The following LRRTM4 variants were observed in gnomAD, a reference collection of about 807,000 sequenced individuals.
LRRTM4 encodes leucine rich repeat transmembrane neuronal 4.
Under a neutral mutation model 47.6 loss-of-function variants are expected in LRRTM4, and 25 were observed. That is an observed-to-expected ratio of 0.53 (90% CI 0.38 to 0.73). The LOEUF (loss-of-function observed/expected upper bound fraction) is 0.73. Ranked by LOEUF, LRRTM4 falls within the 30% of genes least tolerant of loss-of-function variation. The pLI is 0.00. For synonymous variants in LRRTM4, 311 were observed against 269.5 expected, an observed-to-expected ratio of 1.15 and a Z score of -1.51; for missense variants, 638 against 713.4, an observed-to-expected ratio of 0.89 and a Z score of 1.20.
chr2:77,036,630 T>G (rs950894836), intron 3 of LRRTM4, among the ~76,000 whole-genome samples: 1 of 151,702 alleles, frequency 6.6e-6, no homozygotes, highest in Non-Finnish European at 1.5e-5. Context: ...ACGTATTCTG[T>G]GGAATATTGA....
chr2:77,231,553 T>A (rs1035965090), intron 3 of LRRTM4, among the ~76,000 whole-genome samples: 1 of 152,066 alleles, frequency 6.6e-6, no homozygotes, highest in East Asian at 1.9e-4. Context: ...TATATAGAGA[T>A]CTTATTTAGC....
At chr2:76,792,905 T>A (rs1675050509) in intron 3 of LRRTM4, among the ~76,000 whole-genome samples, 1 of 152,098 alleles carries the variant, frequency 6.6e-6, no homozygotes, top group Admixed American at 6.6e-5. Flanking sequence ...AAAACCATCG[T>A]TTCATATATT....
chr2:77,125,391 G>A (rs760262537), intron 3 of LRRTM4, among the ~76,000 whole-genome samples: 7 of 152,258 alleles, frequency 4.6e-5, no homozygotes, highest in Admixed American at 6.5e-5. Context: ...CCTTACTAGG[G>A]CCAACTTTCT....
At chr2:77,302,446 G>T (rs997484791) in intron 3 of LRRTM4, among the ~76,000 whole-genome samples, 1 of 152,122 alleles carries the variant, frequency 6.6e-6, no homozygotes, top group Non-Finnish European at 1.5e-5. Flanking sequence ...TCTAAAGCAC[G>T]AATACTGGGA....
chr2:77,137,122 A>G (rs1671968017), intron 3 of LRRTM4, among the ~76,000 whole-genome samples: 1 of 151,850 alleles, frequency 6.6e-6, no homozygotes, highest in South Asian at 2.1e-4. Context: ...GGAAATACAT[A>G]GAGTACCACA....
At chr2:77,350,188 C>T (rs1202966213) in intron 3 of LRRTM4, among the ~76,000 whole-genome samples, 3 of 149,762 alleles carry the variant, frequency 2.0e-5, no homozygotes, top group Admixed American at 6.6e-5. Flanking sequence ...TAGCCGGGCG[C>T]GGTGGCGGGC....
At chr2:77,281,167 G>T (rs1403674028) in intron 3 of LRRTM4, among the ~76,000 whole-genome samples, 2 of 151,862 alleles carry the variant, frequency 1.3e-5, no homozygotes, top group Admixed American at 6.6e-5. Flanking sequence ...ATTTCCGAGT[G>T]CCCCTCTATC....
intron 3 of LRRTM4, among the ~76,000 whole-genome samples, chr2:77,057,863 C>T (rs866093518): frequency 6.6e-6 from 1 of 152,114 alleles, no homozygotes; most frequent in Non-Finnish European, 1.5e-5. Context: ...TAAGATTCAT[C>T]ATAACCCAGA....
At chr2:77,418,445 C>G (rs1354589) in intron 3 of LRRTM4, among the ~76,000 whole-genome samples, 1 of 152,102 alleles carries the variant, frequency 6.6e-6, no homozygotes, top group African/African-American at 2.4e-5. Context: ...GCTCCATCCC[C>G]GAGCATATGC....
chr2:77,010,528 A>G (rs1314849546), intron 3 of LRRTM4, among the ~76,000 whole-genome samples: 1 of 151,326 alleles, frequency 6.6e-6, no homozygotes, highest in Non-Finnish European at 1.5e-5. Context: ...ACACACACAC[A>G]CACACACACA....
chr2:77,461,958 C>A (rs1332049983), intron 3 of LRRTM4, among the ~76,000 whole-genome samples: 1 of 152,112 alleles, frequency 6.6e-6, no homozygotes, highest in Non-Finnish European at 1.5e-5. Context: ...CAGTCCATAA[C>A]ACTTGAGCAT....
chr2:77,292,669 G>T (rs1272405431), intron 3 of LRRTM4, among the ~76,000 whole-genome samples: 2 of 142,838 alleles, frequency 1.4e-5, no homozygotes, highest in African/African-American at 5.2e-5. Flanking sequence ...GACACAGGAA[G>T]GGGAACATCA....
intron 3 of LRRTM4, among the ~76,000 whole-genome samples, chr2:77,466,237 T>C (rs1453816583): frequency 6.6e-6 from 1 of 152,174 alleles, no homozygotes; most frequent in African/African-American, 2.4e-5. Flanking sequence ...TGAATGGAGG[T>C]GAAAAGAACT....
At chr2:76,822,890 A>G (rs1201479639) in intron 3 of LRRTM4, among the ~76,000 whole-genome samples, 1 of 151,480 alleles carries the variant, frequency 6.6e-6, no homozygotes. Context: ...TTCTCCAGTC[A>G]AGACTTTACC....
intron 3 of LRRTM4, among the ~76,000 whole-genome samples, chr2:77,481,663 C>A (rs556079857): frequency 6.6e-6 from 1 of 151,966 alleles, no homozygotes; most frequent in Non-Finnish European, 1.5e-5. Context: ...CTTCTATGTT[C>A]TTTGCTTCTT....
At chr2:76,901,170 C>A (rs756215730) in intron 3 of LRRTM4, among the ~76,000 whole-genome samples, 5 of 152,194 alleles carry the variant, frequency 3.3e-5, no homozygotes, top group South Asian at 2.1e-4. Flanking sequence ...GCCTGGCGTG[C>A]ATTAGGTATG....
chr2:77,045,221 G>A (rs963779681), intron 3 of LRRTM4, among the ~76,000 whole-genome samples: 1 of 151,640 alleles, frequency 6.6e-6, no homozygotes, highest in East Asian at 1.9e-4. Flanking sequence ...TTAAATGTTT[G>A]TTACAAAACT....
intron 3 of LRRTM4, among the ~76,000 whole-genome samples, chr2:77,006,307 C>T (rs62170864): frequency 0.12 from 18,810 of 152,078 alleles, 1,436 homozygotes; most frequent in Admixed American, 0.2. Flanking sequence ...GAACCTAAGC[C>T]TTTAAGAAAT....
At chr2:77,101,225 GAATA>G (rs1353108258) in intron 3 of LRRTM4, among the ~76,000 whole-genome samples, 2 of 152,038 alleles carry the variant, frequency 1.3e-5, no homozygotes, top group African/African-American at 4.8e-5. Flanking sequence ...AATATTACAT[GAATA>G]AATGGGAAAA....
Sources: allele counts gnomAD v4.1 joint callset (sites outside exome capture counted in the v4.1 genomes callset), GRCh38; gene constraint gnomAD v4.1.1; transcripts MANE v1.5; gene names NCBI Gene and HGNC (gene_info 2026-07-23, HGNC 2026-07-21).